SBNO2: variants seen among roughly 807,000 people sequenced by gnomAD.
SBNO2 encodes the protein strawberry notch homolog 2, also known as protein strawberry notch homolog 2.
SBNO2 carries 89 observed loss-of-function variants against 146.3 expected under a neutral mutation model. The ratio of observed to expected loss-of-function variants is 0.61; its 90% CI spans 0.51 to 0.73. The LOEUF is 0.73. Among genes scored for constraint, SBNO2 ranks in the 30% least tolerant of loss-of-function variants. The pLI is 0.00. For synonymous variants in SBNO2, 1,147 were observed against 892.6 expected (o/e 1.29, Z -5.08); for missense variants, 2,092 against 2,003.7 (o/e 1.04, Z -0.84).
chr19:1,123,426 G>C (rs563737373), intron 7 of SBNO2, 108 bp downstream of exon 7: 1 of 942,406 alleles, frequency 1.1e-6, no homozygotes, highest in South Asian at 1.5e-5. Flanking sequence ...CCTCCCTGAA[G>C]CTTCACATTC....
At chr19:1,133,537 G>C (rs776906552) in intron 4 of SBNO2, among the ~76,000 whole-genome samples, 2 of 152,250 alleles carry the variant, frequency 1.3e-5, no homozygotes, top group Non-Finnish European at 1.5e-5. Flanking sequence ...AGCGGAGGCT[G>C]GTGCAGACTG....
chr19:1,164,868 A>AAGC (rs370532446), intron 1 of SBNO2, among the ~76,000 whole-genome samples: 1 of 70,822 alleles, frequency 1.4e-5, no homozygotes, highest in Non-Finnish European at 2.8e-5. Flanking sequence ...GAGGAGGAGG[A>AAGC]ACAGGAGGAG....
rs1468682565 is a variant in SBNO2, at chr19:1,140,989, T to TCTGGAGAAGACACACC, written c.279+6304_279+6319dup. Among the ~76,000 whole-genome samples, 10 of 144,950 alleles carry TCTGGAGAAGACACACC rather than the reference T, an allele frequency of 6.9e-5. No individual in the cohort carries two copies. Among genetic ancestry groups the TCTGGAGAAGACACACC allele is most frequent in the African/African-American group, 1.0e-4 (4 of 38,886 alleles). On this transcript the variant is annotated intron_variant, in intron 4 of 31. Transcript: ENST00000361757. The surrounding 1 kb of genome is among the most constrained non-coding windows in gnomAD (Gnocchi z 4.4). ...CCAGACAAAACCAACGGAGAGGCAC[T>TCTGGAGAAGACACACC]CTGGAGAAGACACACCCTGGAGAAG...
At chr19:1,138,780 C>G (rs893118193) in intron 4 of SBNO2, among the ~76,000 whole-genome samples, 4 of 151,426 alleles carry the variant, frequency 2.6e-5, no homozygotes, top group African/African-American at 9.7e-5. Context: ...CCATCACGGA[C>G]AGACACAGTG....
chr19:1,151,290 TG>T (rs2080240051), intron 2 of SBNO2, among the ~76,000 whole-genome samples: 1 of 150,618 alleles, frequency 6.6e-6, no homozygotes, highest in Non-Finnish European at 1.5e-5. Flanking sequence ...GAACTGCAGC[TG>T]CAGGAAGGGG....
At chr19:1,147,605 C>T (rs2080205614) in intron 3 of SBNO2, among the ~76,000 whole-genome samples, 185 bp from the exon 4 acceptor site, 1 of 152,154 alleles carries the variant, frequency 6.6e-6, no homozygotes, top group Middle Eastern at 3.4e-3. Context: ...GTGGTCAAGC[C>T]TGGGGCTGCC....
At position 1,111,635 on chromosome 19, in the gene SBNO2, G is replaced by A. The variant is rs200893425; in HGVS notation, c.2701-21C>T. On this transcript the variant is annotated intron_variant, in intron 23 of 31. Transcript: ENST00000361757. ...CCATACTAGGGGGAGAAGGTGACTC[G>A]GGGAGGAGGCCCAGGGAGGAGGCTG... 3.9e-5 allele frequency: 60 copies of A among 1,542,204 alleles called. No homozygotes were observed. The Middle Eastern group carries it at 2.0e-3, about 52-fold the overall frequency.
At position 1,157,233 on chromosome 19, in the gene SBNO2, C is replaced by T. The variant is rs899526051; in HGVS notation, c.-126-2831G>A. Among the ~76,000 whole-genome samples the T allele has an allele frequency of 3.3e-5, 5 of 151,920 alleles. No individual in the cohort carries two copies. Among genetic ancestry groups the T allele is most frequent in the African/African-American group, 1.2e-4 (5 of 41,404 alleles). ...TGCAGCAGCTGTGACCACGCCATGT[C>T]TCTGGGGCATCCAGCTGCCCCAATC... On this transcript the variant is annotated intron_variant, in intron 1 of 31. Coordinates refer to ENST00000361757, the MANE Select transcript of SBNO2 (RefSeq NM_014963.3). This position sits in a 1 kb window ranked among gnomAD's most constrained non-coding sequence, Gnocchi z 6.8.
chr19:1,122,825 G>T (rs2079919097), intron 8 of SBNO2, 34 bp from the exon 9 acceptor site: 3 of 1,537,820 alleles, frequency 2.0e-6, no homozygotes, highest in African/African-American at 2.7e-5. Context: ...GGGCCTGGGG[G>T]TGCTGGCCCG....
intron 15 of SBNO2, 77 bp from the exon 16 acceptor site, chr19:1,117,003 G>T: frequency 2.2e-6 from 3 of 1,360,244 alleles, no homozygotes; most frequent in Non-Finnish European, 3.0e-6. Context: ...CCAGGCCTGG[G>T]GTGATGGCCA....
chr19:1,154,364 C>T lies in SBNO2; in HGVS notation c.-88G>A. ...GCCGCCGGGGCGTCTATCTGGGCTT[C>T]TCGCTCCGTGGTGGCGGCGGTGGCG... On this transcript the variant is annotated 5_prime_UTR_variant, in exon 2 of 32. Transcript: ENST00000361757. The T allele has an allele frequency of 1.5e-6, 1 of 656,680 alleles. No individual in the cohort carries two copies. The highest frequency in any genetic ancestry group is 2.2e-6 in the Non-Finnish European group (1 of 462,434). The allele number at this position is 656,680 out of a possible 1,614,324, so 40.7% of individuals were successfully genotyped here.
chr19:1,133,620 C>G (rs2080056505), intron 4 of SBNO2, among the ~76,000 whole-genome samples: 1 of 152,196 alleles, frequency 6.6e-6, no homozygotes, highest in South Asian at 2.1e-4. Context: ...GCCGCTGGGG[C>G]GAGGGGCCCG....
In SBNO2 at chr19:1,172,783, C is replaced by CG. The variant is rs1173690865; in HGVS notation, c.-127+1388_-127+1389insC. 2.3e-5 allele frequency among the ~76,000 whole-genome samples: 2 copies of CG among 87,064 alleles called. 1 individual carries two copies. The highest frequency in any genetic ancestry group is 8.7e-4 in the East Asian group (2 of 2,306). The allele number at this position is 87,064 out of a possible 152,430, so 57.1% of individuals were successfully genotyped here. A position where few individuals can be genotyped will look rare whatever the true frequency, so the allele number is the denominator to read the frequency against. On this transcript the variant is annotated intron_variant, in intron 1 of 31. Transcript: ENST00000361757. ...GTAAAACACTCACTGCAACCGCCCCCCCCGCCCCGGCAAACTGGCAGCCAG... is the reference window on the plus strand; with the variant it reads ...GTAAAACACTCACTGCAACCGCCCCCGCCCGCCCCGGCAAACTGGCAGCCAG...
At chr19:1,128,878 G>A (rs2079997187) in intron 4 of SBNO2, among the ~76,000 whole-genome samples, 1 of 151,732 alleles carries the variant, frequency 6.6e-6, no homozygotes, top group Non-Finnish European at 1.5e-5. Context: ...TGAGGCGGGA[G>A]GATCACCTGA....
In SBNO2 at chr19:1,112,382, G is replaced by A. The variant is rs781468820; in HGVS notation, c.2515+20C>T. The A allele has an allele frequency of 3.8e-6, 6 of 1,589,374 alleles. No homozygotes were observed. The highest frequency in any genetic ancestry group is 1.7e-5 in the Admixed American group (1 of 58,138). On this transcript the variant is annotated intron_variant, in intron 21 of 31. Transcript: ENST00000361757. This position sits in a 1 kb window ranked among gnomAD's most constrained non-coding sequence, Gnocchi z 5.9. ...GTTGGGGGCGGGGCCAGGCAGCGCT[G>A]GGGGCGGGGCCGGACTCACCGAACT... is the stretch of plus-strand genomic sequence containing the variant.
chr19:1,109,498 G>T lies in SBNO2; in HGVS notation c.3216+8C>A, dbSNP rs779107394. ...CTCCTCTGGGGGGGTAACCCCGCCC[G>T]ACCCCACCTTGTAGGAGAGGTAGAA... is the stretch of plus-strand genomic sequence containing the variant. On this transcript the variant is annotated splice_region_variant and intron_variant, in intron 28 of 31. Coordinates refer to ENST00000361757, the MANE Select transcript of SBNO2 (RefSeq NM_014963.3). This position sits in a 1 kb window ranked among gnomAD's most constrained non-coding sequence, Gnocchi z 4.2. The T allele has an allele frequency of 6.3e-7, 1 of 1,589,728 alleles. No homozygotes were observed. Among genetic ancestry groups the T allele is most frequent in the South Asian group, 1.1e-5 (1 of 87,690 alleles).
Position 1,112,808 on chromosome 19 carries a change from A to G in SBNO2, c.2379+10T>C. The G allele has an allele frequency of 6.4e-7, 1 of 1,563,526 alleles. No homozygotes were observed. The highest frequency in any genetic ancestry group is 8.7e-7 in the Non-Finnish European group (1 of 1,155,902). On this transcript the variant is annotated intron_variant, in intron 20 of 31. Transcript: ENST00000361757. The surrounding 1 kb of genome is among the most constrained non-coding windows in gnomAD (Gnocchi z 5.9). ...CCGTGGGCCGCGCCCAGTGCACTGC[A>G]GCCCCGCACCTTCTCGCCGCTCATG...
rs1341616648 is a variant in SBNO2 at position 1,112,514 on chromosome 19, G to C, written c.2403C>G (p.Ala801=). ...GEKLVAIISE[A]SSSGVSLQAD... ...CTTGGAGGGAGACACCCGAGCTGGA[G>C]GCCTCCGAGATGATGGCCACGAGCT... The change falls in exon 21 of 32, where the codon GCC becomes GCG. Residue 801 remains alanine, a synonymous_variant. Transcript: ENST00000361757. This position sits in a 1 kb window ranked among gnomAD's most constrained non-coding sequence, Gnocchi z 5.9. 6 of 1,604,216 alleles carry C rather than the reference G, an allele frequency of 3.7e-6. No homozygotes were observed. The highest frequency in any genetic ancestry group is 5.1e-6 in the Non-Finnish European group (6 of 1,177,990).
At chr19:1,139,803 A>G (rs1467179848) in intron 4 of SBNO2, among the ~76,000 whole-genome samples, 1 of 151,776 alleles carries the variant, frequency 6.6e-6, no homozygotes, top group Admixed American at 6.6e-5. Context: ...TCAAAAATAA[A>G]TAAATATGGT....
Sources: gnomAD v4.1 joint callset for allele counts (sites outside exome capture counted in the v4.1 genomes callset) on GRCh38, gnomAD v4.1.1 for gene constraint, Gnocchi (gnomAD v3.1) non-coding constraint, MANE v1.5 for transcripts, NCBI Gene and HGNC (gene_info 2026-07-23, HGNC 2026-07-21) for gene names.